KALRN: variants seen among roughly 807,000 people sequenced by gnomAD.
The protein encoded by KALRN is kalirin RhoGEF kinase, also known as kalirin.
Under a neutral mutation model 353.7 loss-of-function variants are expected in KALRN, and 70 were observed. The observed-to-expected ratio is 0.20, with a 90% CI of 0.16 to 0.24. The LOEUF (loss-of-function observed/expected upper bound fraction) is 0.24, where lower values mean the gene tolerates loss of function less well. KALRN is among the 10% of genes least tolerant of loss of function. The pLI, the probability that KALRN is intolerant of heterozygous loss-of-function variation, is 1.00. For missense variants in KALRN, 2,791 were observed against 3,756.7 expected (o/e 0.74, Z 6.72); for synonymous variants, 1,391 against 1,434.8 (o/e 0.97, Z 0.69).
intron 6 of KALRN, among the ~76,000 whole-genome samples, chr3:124,319,772 C>G (rs1211784958): frequency 6.6e-6 from 1 of 151,958 alleles, no homozygotes; most frequent in Non-Finnish European, 1.5e-5. Flanking sequence ...GCAGGCGGAT[C>G]ACTTGAGGTC....
intron 33 of KALRN, among the ~76,000 whole-genome samples, chr3:124,501,801 C>T (rs1683781200): frequency 6.6e-6 from 1 of 152,178 alleles, no homozygotes; most frequent in South Asian, 2.1e-4. Flanking sequence ...GAGGCCCTAC[C>T]TACTCTACAG....
chr3:124,335,773 T>C (rs532235567), intron 9 of KALRN, among the ~76,000 whole-genome samples: 6 of 152,322 alleles, frequency 3.9e-5, no homozygotes, highest in African/African-American at 1.2e-4. Flanking sequence ...GGATTATACA[T>C]ATAAAATAAC....
chr3:124,270,949 C>A (rs2074102732), intron 5 of KALRN, among the ~76,000 whole-genome samples: 1 of 151,520 alleles, frequency 6.6e-6, no homozygotes, highest in Non-Finnish European at 1.5e-5. Flanking sequence ...CCTGCCTCAG[C>A]CTCCTGAGTA....
intron 56 of KALRN, 110 bp downstream of exon 56, chr3:124,700,143 C>T: frequency 3.1e-6 from 3 of 980,714 alleles, no homozygotes; most frequent in Non-Finnish European, 4.7e-6. Context: ...CAAGAGGCAC[C>T]TTTTAGAGGA....
chr3:124,655,132 CAGGTTGGTA>C (rs1468311069), intron 38 of KALRN, among the ~76,000 whole-genome samples: 1 of 152,166 alleles, frequency 6.6e-6, no homozygotes, highest in East Asian at 1.9e-4. Flanking sequence ...GGAGGACTTA[CAGGTTGGTA>C]ATCAAATAAA....
intron 10 of KALRN, among the ~76,000 whole-genome samples, chr3:124,366,146 T>C (rs2084660849): frequency 1.3e-5 from 2 of 152,192 alleles, no homozygotes; most frequent in Admixed American, 1.3e-4. Context: ...TAATGTCTGA[T>C]GGGGCTACAG....
At chr3:124,449,694 C>T (rs899744843) in intron 21 of KALRN, among the ~76,000 whole-genome samples, 4 of 152,216 alleles carry the variant, frequency 2.6e-5, no homozygotes, top group Non-Finnish European at 5.9e-5. Flanking sequence ...TTAGCAGTCA[C>T]TCTGCATTCC....
chr3:124,684,124 A>C (rs1401894059), intron 51 of KALRN, among the ~76,000 whole-genome samples: 6 of 152,044 alleles, frequency 3.9e-5, no homozygotes, highest in Non-Finnish European at 5.9e-5. Flanking sequence ...ACAACTCTCT[A>C]TTCCTCTCCA....
intron 1 of KALRN, among the ~76,000 whole-genome samples, chr3:124,175,217 C>T (rs892105351): frequency 1.3e-5 from 2 of 152,326 alleles, no homozygotes. Flanking sequence ...AAGTTCTCTG[C>T]ACTCAAGATG....
chr3:124,671,551 T>A (rs2086452383), intron 47 of KALRN, 109 bp from the exon 48 acceptor site: 2 of 728,438 alleles, frequency 2.7e-6, no homozygotes, highest in Non-Finnish European at 4.8e-6. Context: ...GGGTAGTGTT[T>A]TTCTCACTTA....
chr3:124,150,567 A>C (rs1257534812), intron 1 of KALRN, among the ~76,000 whole-genome samples: 20 of 152,226 alleles, frequency 1.3e-4, no homozygotes, highest in Admixed American at 1.3e-3. Context: ...TTTGAAGAGA[A>C]TAATCGGGAT....
chr3:124,035,806 G>A (rs1224374016), intron 1 of KALRN, among the ~76,000 whole-genome samples: 3 of 152,230 alleles, frequency 2.0e-5, no homozygotes, highest in African/African-American at 7.2e-5. Context: ...CTATGTTGGG[G>A]ATATTCTCCC....
chr3:124,492,602 G>A lies in KALRN; in HGVS notation c.4690-138G>A, dbSNP rs983923130. On this transcript the variant is annotated intron_variant, in intron 31 of 59. Transcript: ENST00000682506. ...TGTTTCTGGTATTGAAGAGTCATAAGTATGAAATGAGAAATAAACTCCCCA... is the reference window on the plus strand; with the variant it reads ...TGTTTCTGGTATTGAAGAGTCATAAATATGAAATGAGAAATAAACTCCCCA... 15 of 865,166 alleles carry A rather than the reference G, an allele frequency of 1.7e-5. No homozygotes were observed. In the African/African-American group the frequency reaches 2.2e-4, roughly 13 times the overall value. 53.6% of individuals were successfully genotyped at this position (865,166 alleles called of 1,614,324 possible). A position where few individuals can be genotyped will look rare whatever the true frequency, so the allele number is the denominator to read the frequency against.
rs370230035 is a variant in KALRN, at chr3:124,104,091, C to T, written c.73+70278C>T. Among the ~76,000 whole-genome samples the T allele has an allele frequency of 4.6e-5, 7 of 152,322 alleles. No homozygotes were observed. In the East Asian group the frequency reaches 1.3e-3, roughly 29 times the overall value. ...CATGGTTCTGTGTGGACAATACCTACAAAATATTTACCTATAATACCTATA... is the reference window on the plus strand; with the variant it reads ...CATGGTTCTGTGTGGACAATACCTATAAAATATTTACCTATAATACCTATA... On this transcript the variant is annotated intron_variant, in intron 1 of 59. Transcript: ENST00000682506.
At chr3:124,167,270 G>T (rs543804340) in intron 1 of KALRN, among the ~76,000 whole-genome samples, 1 of 152,292 alleles carries the variant, frequency 6.6e-6, no homozygotes, top group African/African-American at 2.4e-5. Context: ...CTGGTTGCTA[G>T]TCATGGTGGT....
chr3:124,261,326 A>G (rs2072836638), intron 3 of KALRN, among the ~76,000 whole-genome samples: 1 of 152,208 alleles, frequency 6.6e-6, no homozygotes, highest in Non-Finnish European at 1.5e-5. Flanking sequence ...AGTTATTGTT[A>G]GGATATAATG....
chr3:124,062,227 T>A (rs2149218582), intron 1 of KALRN, among the ~76,000 whole-genome samples: 1 of 152,362 alleles, frequency 6.6e-6, no homozygotes, highest in East Asian at 1.9e-4. Flanking sequence ...CTGTAGGCAC[T>A]TAAACTCCTT....
chr3:124,430,906 G>A (rs571324294), intron 16 of KALRN, 131 bp downstream of exon 16: 2 of 1,149,270 alleles, frequency 1.7e-6, no homozygotes, highest in Non-Finnish European at 2.4e-6. Flanking sequence ...ATGGTCCAGG[G>A]AGCCTTCCTC....
chr3:124,297,211 C>T (rs1391728418), intron 5 of KALRN, among the ~76,000 whole-genome samples: 1 of 152,224 alleles, frequency 6.6e-6, no homozygotes, highest in Non-Finnish European at 1.5e-5. Context: ...GTTCAAGGGA[C>T]ATAATTGGAT....
Sources: gnomAD v4.1 joint callset for allele counts (sites outside exome capture counted in the v4.1 genomes callset) on GRCh38, gnomAD v4.1.1 for gene constraint, MANE v1.5 for transcripts, NCBI Gene and HGNC (gene_info 2026-07-23, HGNC 2026-07-21) for gene names.